Variants in DHX57 observed in about 807,000 individuals in gnomAD.
DHX57 encodes DExH-box helicase 57.
DHX57 carries 105 observed loss-of-function variants against 156.2 expected under a neutral mutation model. That is an observed-to-expected ratio of 0.67 (90% confidence interval 0.57 to 0.79). The LOEUF is 0.79. DHX57 is among the 30% of genes least tolerant of loss of function. The probability of loss-of-function intolerance (pLI) is 0.00; values close to 1 mark genes in which losing one functional copy is unlikely to be tolerated. For missense variants in DHX57, 1,847 were observed against 1,661.9 expected (o/e 1.11, Z -1.94); for synonymous variants, 704 against 595.6 (o/e 1.18, Z -2.65).
chr2:38,868,727 C>G (rs1665206471), intron 1 of DHX57, among the ~76,000 whole-genome samples: 4 of 152,194 alleles, frequency 2.6e-5, no homozygotes, highest in African/African-American at 4.8e-5. Context: ...ACATCATAAA[C>G]ACATGGAGAA....
chr2:38,861,202 G>C lies in DHX57; in HGVS notation c.1208C>G (p.Thr403Ser), dbSNP rs1441777628. 3.1e-6 allele frequency: 5 copies of C among 1,614,028 alleles called. No individual in the cohort carries two copies. The highest frequency in any genetic ancestry group is 1.3e-5 in the African/African-American group (1 of 74,880). ...CAAAGAATATACGACAGGTTCCGAA[G>C]TTTCCGCAAATGTCAAGGCCTTGTC... ...LYDKALTFAE[T>S]SEPVVYSLIT... Residue 403 changes from threonine to serine, a missense_variant, in exon 5 of 24, where the codon ACT (threonine) becomes AGT (serine). By Grantham distance (58) the Thr-to-Ser change is moderately conservative (BLOSUM62 1). Coordinates refer to ENST00000457308, the MANE Select transcript of DHX57 (RefSeq NM_198963.3).
intron 21 of DHX57, among the ~76,000 whole-genome samples, chr2:38,808,110 A>T (rs900191421): frequency 1.3e-4 from 19 of 150,768 alleles, no homozygotes; most frequent in African/African-American, 4.4e-4. Context: ...GCACGCCACC[A>T]CACTCAGCTA....
chr2:38,848,751 T>C (rs1672422616), intron 9 of DHX57, among the ~76,000 whole-genome samples: 1 of 152,204 alleles, frequency 6.6e-6, no homozygotes, highest in South Asian at 2.1e-4. Flanking sequence ...TAAAGGTAAC[T>C]GTATATAATA....
chr2:38,803,281 A>G (rs1669783528), intron 22 of DHX57, among the ~76,000 whole-genome samples: 1 of 151,448 alleles, frequency 6.6e-6, no homozygotes, highest in East Asian at 2.0e-4. Context: ...CCTGGCCCAG[A>G]TGGAATTCTT....
intron 16 of DHX57, among the ~76,000 whole-genome samples, chr2:38,824,776 A>G (rs1453404008): frequency 6.6e-6 from 1 of 152,006 alleles, no homozygotes; most frequent in African/African-American, 2.4e-5. Context: ...GCCTCCTAAG[A>G]AACTGGGATT....
intron 4 of DHX57, among the ~76,000 whole-genome samples, 153 bp from the exon 5 acceptor site, chr2:38,861,990 CT>C (rs976806906): frequency 2.0e-5 from 3 of 152,216 alleles, no homozygotes; most frequent in African/African-American, 7.2e-5. Flanking sequence ...ATAAGCCCCC[CT>C]GAATGACCCC....
rs181653643 is a variant in DHX57, at chr2:38,806,552, T to C, written c.3816+7A>G. 2,531 of 1,613,872 alleles carry C rather than the reference T, an allele frequency of 1.6e-3. 41 individuals are homozygous for C. The highest frequency in any genetic ancestry group is 3.5e-4 in the Non-Finnish European group (412 of 1,179,948). Reference sequence around the variant, plus strand: ...TGTAAACATTAAGTATACTCCACCATTCTGACCTGATAGTTCACTGATGAA... The same window carrying C: ...TGTAAACATTAAGTATACTCCACCACTCTGACCTGATAGTTCACTGATGAA... On this transcript the variant is annotated splice_region_variant and intron_variant, in intron 22 of 23. Coordinates refer to ENST00000457308, the MANE Select transcript of DHX57 (RefSeq NM_198963.3).
intron 19 of DHX57, among the ~76,000 whole-genome samples, chr2:38,817,812 C>G (rs1670618603): frequency 6.6e-6 from 1 of 152,124 alleles, no homozygotes; most frequent in South Asian, 2.1e-4. Flanking sequence ...ATCCTCCCAC[C>G]TCAGCCTCTG....
intron 12 of DHX57, among the ~76,000 whole-genome samples, chr2:38,840,673 A>G (rs141388578): frequency 1.3e-3 from 196 of 152,240 alleles, no homozygotes; most frequent in African/African-American, 4.5e-3. Flanking sequence ...ATGTTTCCTG[A>G]CCTCAACTCC....
chr2:38,859,017 C>G (rs1391693714), intron 5 of DHX57, among the ~76,000 whole-genome samples, 181 bp from the exon 6 acceptor site: 38 of 152,100 alleles, frequency 2.5e-4, no homozygotes, highest in South Asian at 2.1e-4. Flanking sequence ...AATGCATCCT[C>G]AAATAAACTT....
intron 20 of DHX57, among the ~76,000 whole-genome samples, chr2:38,815,071 CTT>C (rs370170763): frequency 2.8e-5 from 4 of 144,404 alleles, no homozygotes; most frequent in African/African-American, 2.5e-5. Flanking sequence ...TTTTTTTATA[CTT>C]TTTTTTTTTT....
chr2:38,841,341 A>G (rs1671984688), intron 12 of DHX57, among the ~76,000 whole-genome samples: 1 of 152,230 alleles, frequency 6.6e-6, no homozygotes, highest in Admixed American at 6.5e-5. Flanking sequence ...CAGAGATGAT[A>G]AAGAACTTGC....
intron 12 of DHX57, 29 bp from the exon 13 acceptor site, chr2:38,837,976 G>A (rs1241501985): frequency 7.3e-7 from 1 of 1,360,846 alleles, no homozygotes; most frequent in Non-Finnish European, 1.1e-6. Context: ...AAAATGAGAA[G>A]GATATTTATA....
intron 22 of DHX57, among the ~76,000 whole-genome samples, chr2:38,805,503 G>T (rs1333706412): frequency 6.6e-6 from 1 of 152,198 alleles, no homozygotes; most frequent in African/African-American, 2.4e-5. Flanking sequence ...CCAGATGTAA[G>T]ATTATTATAG....
chr2:38,856,087 C>G (rs3099997), intron 7 of DHX57, among the ~76,000 whole-genome samples: 136,608 of 152,188 alleles, frequency 0.9, 63,196 homozygotes, highest in Non-Finnish European at 1. Context: ...CTCCAGCCTG[C>G]GTGACAGGAA....
intron 7 of DHX57, among the ~76,000 whole-genome samples, chr2:38,855,599 A>C (rs1338279878): frequency 6.6e-6 from 1 of 152,198 alleles, no homozygotes; most frequent in Non-Finnish European, 1.5e-5. Flanking sequence ...AATATTTTAT[A>C]GGTATTAATT....
chr2:38,800,790 G>A (rs911185716), intron 23 of DHX57, among the ~76,000 whole-genome samples: 3 of 152,122 alleles, frequency 2.0e-5, no homozygotes, highest in East Asian at 1.9e-4. Flanking sequence ...TCAAACCAAC[G>A]TTGCCTGGCC....
At chr2:38,874,232 C>G (rs570348059) in intron 1 of DHX57, among the ~76,000 whole-genome samples, 1 of 151,976 alleles carries the variant, frequency 6.6e-6, no homozygotes, top group East Asian at 1.9e-4. Context: ...GCTGGGACCA[C>G]AGGTGCACCA....
chr2:38,874,083 T>C (rs1572722803), intron 1 of DHX57, among the ~76,000 whole-genome samples: 2 of 147,114 alleles, frequency 1.4e-5, no homozygotes, highest in African/African-American at 4.9e-5. Context: ...ATACTGTCTT[T>C]TCTTTTTTCT....
Sources: gnomAD v4.1 joint callset for allele counts (sites outside exome capture counted in the v4.1 genomes callset) on GRCh38, gnomAD v4.1.1 for gene constraint, MANE v1.5 for transcripts, NCBI Gene and HGNC (gene_info 2026-07-23, HGNC 2026-07-21) for gene names.